The following PCDHGA2 variants were observed in gnomAD, a reference collection of about 807,000 sequenced individuals.
The protein encoded by PCDHGA2 is protocadherin gamma subfamily A, 2, also known as protocadherin gamma-A2.
A neutral mutation model predicts 59.2 loss-of-function variants in PCDHGA2; 40 were observed. The observed-to-expected ratio is 0.68, with a 90% confidence interval of 0.52 to 0.88. PCDHGA2 has a LOEUF of 0.88. Among genes scored for constraint, PCDHGA2 ranks in the 40% least tolerant of loss-of-function variants. The pLI, the probability that PCDHGA2 is intolerant of heterozygous loss-of-function variation, is 0.00. For missense variants in PCDHGA2, 1,226 were observed against 1,204.0 expected (o/e 1.02, Z -0.27); for synonymous variants, 560 against 526.0 (o/e 1.06, Z -0.89).
In PCDHGA2 at chr5:141,432,171, T is replaced by C. The variant is rs114326665; in HGVS notation, c.2425-62636T>C. On this transcript the variant is annotated intron_variant, in intron 1 of 3. Coordinates refer to ENST00000394576, the MANE Select transcript of PCDHGA2 (RefSeq NM_018915.4). This position sits in a 1 kb window ranked among gnomAD's most constrained non-coding sequence, Gnocchi z 6.0. ...GAGAACAATCCCAGAGGAGTTTCCC[T>C]CGTCTCTGTGACCGCCCACGACCCC... The C allele has an allele frequency of 4.4e-5, 71 of 1,614,046 alleles. No individual in the cohort carries two copies. In the African/African-American group the frequency reaches 8.5e-4, roughly 19 times the overall value.
rs2099884413 is a variant in PCDHGA2, at chr5:141,512,781, G to A, written c.*1608G>A. ...CCTTGATCTGCCCGCGGCGGCCCGT[G>A]TTGTGTTTTGTGCTGTGTCCACGCG... is the stretch of plus-strand genomic sequence containing the variant. On this transcript the variant is annotated 3_prime_UTR_variant, in exon 4 of 4. Transcript: ENST00000394576. 1 of 152,534 alleles carries A rather than the reference G, an allele frequency of 6.6e-6. No individual in the cohort carries two copies. Among genetic ancestry groups the A allele is most frequent in the African/African-American group, 2.4e-5 (1 of 41,444 alleles). 9.4% of individuals were successfully genotyped at this position (152,534 alleles called of 1,614,324 possible). A position where few individuals can be genotyped will look rare whatever the true frequency, so the allele number is the denominator to read the frequency against.
intron 1 of PCDHGA2, chr5:141,351,291 C>T (rs778230963): frequency 1.7e-5 from 27 of 1,613,784 alleles, no homozygotes; most frequent in Non-Finnish European, 2.1e-5. Flanking sequence ...CCAGAGGTGA[C>T]ATTCATGTCC....
At chr5:141,345,560 C>A (rs1757596702) in intron 1 of PCDHGA2, 2 of 1,614,242 alleles carry the variant, frequency 1.2e-6, no homozygotes. Context: ...CTATCAACTC[C>A]AACACTGGCG....
intron 1 of PCDHGA2, chr5:141,342,990 G>A (rs1757235326): frequency 6.6e-6 from 1 of 152,222 alleles, no homozygotes; most frequent in Admixed American, 6.5e-5. Flanking sequence ...CCTTTTCACT[G>A]ATCCACTCCT....
At chr5:141,506,805 G>A (rs1314432893) in intron 3 of PCDHGA2, among the ~76,000 whole-genome samples, 1 of 152,172 alleles carries the variant, frequency 6.6e-6, no homozygotes, top group African/African-American at 2.4e-5. Flanking sequence ...GAGGATCAAG[G>A]CATTGCCCTA....
In PCDHGA2 at chr5:141,510,989, C is replaced by A. The variant is rs2099883548; in HGVS notation, c.2615C>A (p.Thr872Asn). The A allele has an allele frequency of 1.2e-6, 2 of 1,614,198 alleles. No homozygotes were observed. The highest frequency in any genetic ancestry group is 1.7e-6 in the Non-Finnish European group (2 of 1,180,022). ...TCCACCCTGGGAGGGGGTGCCGGCA[C>A]CATGGGATTGAGCGCCCGCTACGGA... is the stretch of plus-strand genomic sequence containing the variant. ...GSSTLGGGAG[T>N]MGLSARYGPQ... Residue 872 changes from threonine to asparagine, a missense_variant, in exon 4 of 4, where the codon ACC becomes AAC. Thr to Asn is a moderately conservative substitution (Grantham distance 65, BLOSUM62 0). Transcript: ENST00000394576.
chr5:141,472,465 A>C (rs886879646), intron 1 of PCDHGA2, among the ~76,000 whole-genome samples: 4 of 152,032 alleles, frequency 2.6e-5, no homozygotes, highest in Non-Finnish European at 5.9e-5. Flanking sequence ...GCTTGAACCC[A>C]GAAGGCAGAG....
chr5:141,421,670 T>A, intron 1 of PCDHGA2: 3 of 1,613,892 alleles, frequency 1.9e-6, no homozygotes, highest in Non-Finnish European at 2.5e-6. Flanking sequence ...GAGCACGCAA[T>A]TCCTGGGGCG....
intron 1 of PCDHGA2, chr5:141,428,232 G>C (rs546567556): frequency 9.3e-7 from 1 of 1,071,494 alleles, no homozygotes; most frequent in African/African-American, 1.5e-5. Context: ...CAGACAGCCT[G>C]CAGGAGGCAC....
At chr5:141,421,767 C>T in intron 1 of PCDHGA2, 2 of 1,613,906 alleles carry the variant, frequency 1.2e-6, no homozygotes, top group South Asian at 1.1e-5. Context: ...ATTACTTTTC[C>T]TTGCAACTGC....
intron 1 of PCDHGA2, chr5:141,357,119 A>C: frequency 6.2e-7 from 1 of 1,613,654 alleles, no homozygotes. Context: ...GCGCTCAAGC[A>C]GAGGCTTGTA....
intron 1 of PCDHGA2, chr5:141,388,084 G>A (rs2091232719): frequency 7.3e-7 from 1 of 1,364,538 alleles, no homozygotes; most frequent in Admixed American, 2.0e-5. Context: ...CGAAAACTGC[G>A]CGTCAGTTCG....
At chr5:141,415,252 C>T (rs895920596) in intron 1 of PCDHGA2, 5 of 1,614,098 alleles carry the variant, frequency 3.1e-6, no homozygotes, top group Non-Finnish European at 4.2e-6. Context: ...AACCTCAGAC[C>T]TCACTCTGTA....
At chr5:141,482,801 G>C (rs1230060558) in intron 1 of PCDHGA2, among the ~76,000 whole-genome samples, 1 of 152,176 alleles carries the variant, frequency 6.6e-6, no homozygotes, top group African/African-American at 2.4e-5. Flanking sequence ...GCCGGGTACG[G>C]TGGCTCATGC....
intron 2 of PCDHGA2, among the ~76,000 whole-genome samples, chr5:141,504,359 A>C (rs988295720): frequency 2.6e-5 from 4 of 152,044 alleles, no homozygotes; most frequent in African/African-American, 9.7e-5. Flanking sequence ...TAGGTGCTTC[A>C]GTAGGAAGCA....
At chr5:141,361,813 C>T in intron 1 of PCDHGA2, 1 of 1,613,122 alleles carries the variant, frequency 6.2e-7, no homozygotes, top group Non-Finnish European at 8.5e-7. Context: ...TGACAATGCG[C>T]CACGGGTGCT....
chr5:141,351,407 C>G (rs764756339), intron 1 of PCDHGA2: 5 of 1,611,244 alleles, frequency 3.1e-6, no homozygotes, highest in Non-Finnish European at 4.2e-6. Context: ...ATGCTATACT[C>G]AGGAAGAAGT....
At chr5:141,361,796 A>T in intron 1 of PCDHGA2, 1 of 1,613,122 alleles carries the variant, frequency 6.2e-7, no homozygotes, top group Non-Finnish European at 8.5e-7. Flanking sequence ...TTAGTGGGCG[A>T]CCTCAATGAC....
chr5:141,409,690 A>T (rs778962490), intron 1 of PCDHGA2: 1 of 1,613,354 alleles, frequency 6.2e-7, no homozygotes, highest in South Asian at 1.1e-5. Context: ...CGAGTGACCT[A>T]GAGCCCCTGG....
Sources: gnomAD v4.1 joint callset for allele counts (sites outside exome capture counted in the v4.1 genomes callset) on GRCh38, gnomAD v4.1.1 for gene constraint, Gnocchi (gnomAD v3.1) non-coding constraint, MANE v1.5 for transcripts, NCBI Gene and HGNC (gene_info 2026-07-23, HGNC 2026-07-21) for gene names.